Variants in STAU2 observed in about 807,000 individuals in gnomAD.
The protein encoded by STAU2 is staufen double-stranded RNA binding protein 2, also known as double-stranded RNA-binding protein Staufen homolog 2.
STAU2 carries 20 observed loss-of-function variants against 65.9 expected under a neutral mutation model. That is an observed-to-expected ratio of 0.30 (90% CI 0.21 to 0.44). STAU2 has a LOEUF of 0.44. STAU2 is among the 20% of genes least tolerant of loss of function. The probability of loss-of-function intolerance (pLI) is 1.00; values close to 1 mark genes in which losing one functional copy is unlikely to be tolerated. For synonymous variants in STAU2, 232 were observed against 233.9 expected, an observed-to-expected ratio of 0.99 and a Z score of 0.07; for missense variants, 558 against 683.9, an observed-to-expected ratio of 0.82 and a Z score of 2.05.
intron 13 of STAU2, among the ~76,000 whole-genome samples, chr8:73,545,396 T>C (rs1367593510): frequency 6.6e-6 from 1 of 152,100 alleles, no homozygotes; most frequent in Non-Finnish European, 1.5e-5. Context: ...AAAAAAAAAT[T>C]TGGAAGTTTT....
chr8:73,682,617 T>C (rs1021153198), intron 5 of STAU2, among the ~76,000 whole-genome samples: 2 of 151,480 alleles, frequency 1.3e-5, no homozygotes, highest in African/African-American at 4.9e-5. Context: ...ATAACAAAGA[T>C]GAGAGCAGAA....
intron 12 of STAU2, among the ~76,000 whole-genome samples, chr8:73,569,009 G>A (rs573276320): frequency 1.3e-5 from 2 of 152,184 alleles, no homozygotes; most frequent in East Asian, 3.9e-4. Flanking sequence ...GCAGGGTGGG[G>A]CATCATCTCA....
At chr8:73,731,066 T>C (rs1220476567) in intron 3 of STAU2, among the ~76,000 whole-genome samples, 3 of 152,224 alleles carry the variant, frequency 2.0e-5, no homozygotes, top group African/African-American at 4.8e-5. Flanking sequence ...TTACTCTGCA[T>C]AGTAGGAACA....
chr8:73,447,757 C>A (rs1818552213), intron 13 of STAU2, among the ~76,000 whole-genome samples: 1 of 152,204 alleles, frequency 6.6e-6, no homozygotes, highest in African/African-American at 2.4e-5. Flanking sequence ...CTGGTGGGGA[C>A]ACCAGGCTTA....
chr8:73,538,288 A>G (rs1424698150), intron 13 of STAU2, among the ~76,000 whole-genome samples: 1 of 152,178 alleles, frequency 6.6e-6, no homozygotes, highest in Admixed American at 6.5e-5. Context: ...TAAAGTCAGT[A>G]CTATTTTTTT....
Position 73,450,388 on chromosome 8 carries a change from CAA to C in STAU2, c.1531-27688_1531-27687del, listed in dbSNP as rs528530522. Among the ~76,000 whole-genome samples, 163 of 152,172 alleles carry C rather than the reference CAA, an allele frequency of 1.1e-3. 4 individuals are homozygous for C. Among genetic ancestry groups the C allele is most frequent in the African/African-American group, 3.6e-3 (151 of 41,512 alleles). The stretch of plus-strand genomic sequence containing the variant: ...AGGTGCATAAGTTTCACCCGATTGC[CAA>C]AGAGTCCATGGCTCAAAAAAGGTTA... On this transcript the variant is annotated intron_variant, in intron 13 of 14. Transcript: ENST00000524300.
intron 13 of STAU2, among the ~76,000 whole-genome samples, chr8:73,474,542 T>C (rs546449847): frequency 2.0e-4 from 24 of 122,540 alleles, no homozygotes; most frequent in African/African-American, 6.6e-4. Flanking sequence ...CCCACCACTT[T>C]CTATCTCTGA....
At chr8:73,589,488 C>G (rs1810613465) in intron 11 of STAU2, among the ~76,000 whole-genome samples, 1 of 152,138 alleles carries the variant, frequency 6.6e-6, no homozygotes, top group Non-Finnish European at 1.5e-5. Context: ...AAGCAGATAA[C>G]ATACATGAGC....
chr8:73,729,375 C>T (rs926755284), intron 3 of STAU2, among the ~76,000 whole-genome samples: 2 of 152,088 alleles, frequency 1.3e-5, no homozygotes, highest in South Asian at 2.1e-4. Context: ...TTTCGCATTA[C>T]GTCTTTGTTT....
At chr8:73,653,061 G>C (rs1232714896) in intron 6 of STAU2, 2 of 152,088 alleles carry the variant, frequency 1.3e-5, no homozygotes, top group Non-Finnish European at 2.9e-5. Flanking sequence ...CAAGATAATA[G>C]CAATTGAAAA....
intron 13 of STAU2, among the ~76,000 whole-genome samples, chr8:73,538,119 A>G (rs1806303751): frequency 6.6e-6 from 1 of 152,208 alleles, no homozygotes; most frequent in African/African-American, 2.4e-5. Flanking sequence ...TGACAACTAA[A>G]TGCAATGTGG....
In STAU2 at chr8:73,421,320, C is replaced by T. The variant is rs143999038; in HGVS notation, c.*52G>A. ...TTCCCTGAACACAGACACCCTCATG[C>T]GTGCTGACAGGTTTATAAGGATGCG... On this transcript the variant is annotated 3_prime_UTR_variant, in exon 15 of 15. Coordinates refer to ENST00000524300, the MANE Select transcript of STAU2 (RefSeq NM_001164380.2). 101 of 1,458,446 alleles carry T rather than the reference C, an allele frequency of 6.9e-5. No homozygotes were observed. The East Asian group carries it at 2.3e-3, about 34-fold the overall frequency. The allele number at this position is 1,458,446 out of a possible 1,614,324, so 90.3% of individuals were successfully genotyped here.
chr8:73,717,153 G>T (rs7844179), intron 3 of STAU2, among the ~76,000 whole-genome samples: 1 of 151,796 alleles, frequency 6.6e-6, no homozygotes, highest in Non-Finnish European at 1.5e-5. Context: ...AACAAAGTTG[G>T]AGCAAATGGA....
intron 13 of STAU2, among the ~76,000 whole-genome samples, chr8:73,546,357 AC>A (rs1237039879): frequency 1.3e-5 from 2 of 151,838 alleles, no homozygotes; most frequent in Non-Finnish European, 2.9e-5. Flanking sequence ...ACAAAAACAA[AC>A]CAATATCCAG....
chr8:73,450,025 A>G (rs1475001748), intron 13 of STAU2, among the ~76,000 whole-genome samples: 1 of 152,256 alleles, frequency 6.6e-6, no homozygotes, highest in Non-Finnish European at 1.5e-5. Flanking sequence ...CCGGGCTGGC[A>G]GAGGCAAGGG....
chr8:73,568,461 G>C (rs879784286), intron 12 of STAU2, among the ~76,000 whole-genome samples: 1 of 152,096 alleles, frequency 6.6e-6, no homozygotes, highest in Non-Finnish European at 1.5e-5. Context: ...GGCAAAGCTG[G>C]GTGTGGTGCC....
At chr8:73,429,072 T>C (rs553589809) in intron 13 of STAU2, among the ~76,000 whole-genome samples, 4 of 152,316 alleles carry the variant, frequency 2.6e-5, no homozygotes, top group East Asian at 3.9e-4. Context: ...CAGTCCCTTA[T>C]CTACCTGATC....
intron 13 of STAU2, among the ~76,000 whole-genome samples, chr8:73,506,440 T>C (rs1822070424): frequency 6.6e-6 from 1 of 152,154 alleles, no homozygotes; most frequent in Admixed American, 6.6e-5. Flanking sequence ...TCCCAGTCCA[T>C]ATTAAAGTTA....
intron 13 of STAU2, among the ~76,000 whole-genome samples, chr8:73,423,057 C>T (rs1435447939): frequency 6.6e-6 from 1 of 152,254 alleles, no homozygotes; most frequent in Non-Finnish European, 1.5e-5. Context: ...TCAGGTGTGA[C>T]ATCCAAATTT....
Sources: gnomAD v4.1 joint callset for allele counts (sites outside exome capture counted in the v4.1 genomes callset) on GRCh38, gnomAD v4.1.1 for gene constraint, MANE v1.5 for transcripts, NCBI Gene and HGNC (gene_info 2026-07-23, HGNC 2026-07-21) for gene names.